The following ANKS1B variants were observed in gnomAD, a reference collection of about 807,000 sequenced individuals.
The protein encoded by ANKS1B is ankyrin repeat and sterile alpha motif domain containing 1B.
ANKS1B carries 36 observed loss-of-function variants against 148.3 expected under a neutral mutation model. That is an observed-to-expected ratio of 0.24 (90% CI 0.19 to 0.32). The LOEUF is 0.32. Ranked by LOEUF, ANKS1B falls within the 10% of genes least tolerant of loss-of-function variation. ANKS1B has a pLI of 1.00. For synonymous variants in ANKS1B, 542 were observed against 560.8 expected (o/e 0.97, Z 0.47); for missense variants, 1,157 against 1,542.6 (o/e 0.75, Z 4.19).
chr12:98,808,099 C>T (rs1406347459), intron 19 of ANKS1B, among the ~76,000 whole-genome samples, 181 bp from the exon 20 acceptor site: 2 of 152,100 alleles, frequency 1.3e-5, no homozygotes, highest in Non-Finnish European at 1.5e-5. Flanking sequence ...ATTCTTTTTG[C>T]TTTAAAACAT....
intron 17 of ANKS1B, among the ~76,000 whole-genome samples, chr12:98,950,704 A>G (rs2099852834): frequency 6.6e-6 from 1 of 152,176 alleles, no homozygotes; most frequent in Non-Finnish European, 1.5e-5. Flanking sequence ...CCTCACTGGA[A>G]ACATCTGGGG....
At position 98,744,479 on chromosome 12, in the gene ANKS1B, T is replaced by G; in HGVS notation, c.*1260A>C. On this transcript the variant is annotated 3_prime_UTR_variant, in exon 27 of 27. Coordinates refer to ENST00000683438, the MANE Select transcript of ANKS1B (RefSeq NM_001352186.2). ...GAACAATATACATTAAAATGTTATT[T>G]TTTTCTATAATGATATTGGTACTGT... The G allele has an allele frequency of 1.5e-6, 1 of 671,544 alleles. No homozygotes were observed. Among genetic ancestry groups the G allele is most frequent in the Non-Finnish European group, 1.8e-6 (1 of 543,418 alleles). The allele number at this position is 671,544 out of a possible 1,614,324, so 41.6% of individuals were successfully genotyped here. A position where few individuals can be genotyped will look rare whatever the true frequency, so the allele number is the denominator to read the frequency against.
chr12:99,290,506 T>C (rs1410163384), intron 12 of ANKS1B, among the ~76,000 whole-genome samples: 1 of 151,808 alleles, frequency 6.6e-6, no homozygotes, highest in Non-Finnish European at 1.5e-5. Context: ...TTGATGCCAT[T>C]GATACAAAAA....
At chr12:99,265,295 C>G (rs141336494) in intron 12 of ANKS1B, among the ~76,000 whole-genome samples, 1 of 152,160 alleles carries the variant, frequency 6.6e-6, no homozygotes, top group Non-Finnish European at 1.5e-5. Context: ...GAAACCTATA[C>G]TTTTACAAAC....
At chr12:99,180,623 A>AG (rs1239828171) in intron 14 of ANKS1B, among the ~76,000 whole-genome samples, 1 of 139,300 alleles carries the variant, frequency 7.2e-6, no homozygotes, top group South Asian at 2.3e-4. Context: ...TTTGAGGGAA[A>AG]GGGTTTTTTT....
intron 25 of ANKS1B, among the ~76,000 whole-genome samples, chr12:98,768,426 TAAAAAA>T (rs386377533): frequency 1.3e-3 from 59 of 46,692 alleles, no homozygotes; most frequent in African/African-American, 5.1e-3. Flanking sequence ...GGGTGCTCTC[TAAAAAA>T]AAAAAAAAAA....
chr12:99,348,666 C>T (rs1307167350), intron 12 of ANKS1B, among the ~76,000 whole-genome samples: 1 of 151,790 alleles, frequency 6.6e-6, no homozygotes, highest in African/African-American at 2.4e-5. Context: ...AAGAGAAGAA[C>T]TGTAAATTAA....
intron 9 of ANKS1B, among the ~76,000 whole-genome samples, chr12:99,515,662 T>C (rs1470606734): frequency 6.6e-6 from 1 of 152,024 alleles, no homozygotes; most frequent in Non-Finnish European, 1.5e-5. Flanking sequence ...TTCCATATAG[T>C]GTTTTCCTTT....
chr12:98,983,278 A>G (rs1001824372), intron 17 of ANKS1B, among the ~76,000 whole-genome samples: 17 of 152,138 alleles, frequency 1.1e-4, no homozygotes, highest in Non-Finnish European at 2.9e-5. Flanking sequence ...GCAGTTACAG[A>G]CTGAAGCCCC....
At chr12:99,792,027 A>T (rs1216517223) in intron 4 of ANKS1B, among the ~76,000 whole-genome samples, 2 of 151,916 alleles carry the variant, frequency 1.3e-5, no homozygotes, top group Non-Finnish European at 2.9e-5. Context: ...AAGAGAGAAG[A>T]CCCAAATAAA....
chr12:99,233,885 T>G (rs1167915714), intron 14 of ANKS1B, among the ~76,000 whole-genome samples: 5 of 152,122 alleles, frequency 3.3e-5, no homozygotes, highest in African/African-American at 1.2e-4. Flanking sequence ...TCCAAATCTT[T>G]TCCTGATCCA....
intron 14 of ANKS1B, among the ~76,000 whole-genome samples, chr12:99,182,164 G>A (rs374616788): frequency 4.6e-5 from 7 of 152,206 alleles, no homozygotes; most frequent in Non-Finnish European, 5.9e-5. Flanking sequence ...GTGGCAGGGC[G>A]TAGGGACTGC....
intron 12 of ANKS1B, among the ~76,000 whole-genome samples, chr12:99,343,358 T>C (rs533039366): frequency 6.6e-6 from 1 of 152,220 alleles, no homozygotes; most frequent in Non-Finnish European, 1.5e-5. Context: ...TTTGTTTTTT[T>C]ACACATATAT....
chr12:99,088,406 A>T (rs1036785268), intron 15 of ANKS1B, among the ~76,000 whole-genome samples: 1 of 152,152 alleles, frequency 6.6e-6, no homozygotes, highest in Non-Finnish European at 1.5e-5. Context: ...CAGTTTCAAA[A>T]TGCTATGATT....
intron 1 of ANKS1B, among the ~76,000 whole-genome samples, chr12:99,894,668 C>T (rs1040268227): frequency 7.0e-6 from 1 of 141,990 alleles, no homozygotes; most frequent in South Asian, 2.2e-4. Flanking sequence ...CAATAAATTA[C>T]ATAAGATATT....
At chr12:99,073,696 T>G (rs1360840479) in intron 16 of ANKS1B, among the ~76,000 whole-genome samples, 4 of 152,216 alleles carry the variant, frequency 2.6e-5, no homozygotes, top group Non-Finnish European at 5.9e-5. Flanking sequence ...CTGCAAAAAC[T>G]GCCTTTTAAG....
intron 9 of ANKS1B, among the ~76,000 whole-genome samples, chr12:99,637,961 T>C (rs977943868): frequency 2.6e-5 from 4 of 151,856 alleles, no homozygotes; most frequent in African/African-American, 9.7e-5. Context: ...TGGGAGGTAA[T>C]TAAATCACGG....
At chr12:99,420,845 A>G (rs2095058897) in intron 11 of ANKS1B, among the ~76,000 whole-genome samples, 2 of 152,186 alleles carry the variant, frequency 1.3e-5, no homozygotes, top group African/African-American at 4.8e-5. Context: ...TCCTTTCTTC[A>G]TCTTCATATC....
At position 99,692,688 on chromosome 12, in the gene ANKS1B, A is replaced by T. The variant is rs56886748; in HGVS notation, c.1129-37478T>A. Among the ~76,000 whole-genome samples, 1,364 of 148,892 alleles carry T rather than the reference A, an allele frequency of 9.2e-3. 24 individuals are homozygous for T. The highest frequency in any genetic ancestry group is 0.032 in the African/African-American group (1,314 of 40,452). On this transcript the variant is annotated intron_variant, in intron 8 of 26. Transcript: ENST00000683438. The stretch of plus-strand genomic sequence containing the variant: ...TCTGTCAAAAAAAAAAAAAAAAGGA[A>T]AAGAAAAAGAAATGAATCAGGGATG...
Sources: allele counts gnomAD v4.1 joint callset (sites outside exome capture counted in the v4.1 genomes callset), GRCh38; gene constraint gnomAD v4.1.1; transcripts MANE v1.5; gene names NCBI Gene and HGNC (gene_info 2026-07-23, HGNC 2026-07-21).